ARHGAP11B: variants seen among roughly 807,000 people sequenced by gnomAD.
ARHGAP11B encodes inactive Rho GTPase-activating protein 11B.
In ARHGAP11B, 14 loss-of-function variants were observed where a neutral mutation model predicts 27.6. The ratio of observed to expected loss-of-function variants is 0.51; its 90% CI spans 0.34 to 0.79. The LOEUF (loss-of-function observed/expected upper bound fraction) is 0.79, where lower values mean the gene tolerates loss of function less well. Ranked by LOEUF, ARHGAP11B falls within the 30% of genes least tolerant of loss-of-function variation. The probability of loss-of-function intolerance (pLI) is 0.02; values close to 1 mark genes in which losing one functional copy is unlikely to be tolerated. For missense variants in ARHGAP11B, 245 were observed against 320.1 expected, an observed-to-expected ratio of 0.77 and a Z score of 1.79; for synonymous variants, 82 against 114.1, an observed-to-expected ratio of 0.72 and a Z score of 1.80.
At chr15:30,635,937 G>A (rs1479932700) in intron 6 of ARHGAP11B, among the ~76,000 whole-genome samples, 2 of 145,200 alleles carry the variant, frequency 1.4e-5, no homozygotes, top group African/African-American at 5.2e-5. Flanking sequence ...AGTGGGATTG[G>A]GTGGAGGATC....
intron 9 of ARHGAP11B, among the ~76,000 whole-genome samples, chr15:30,647,301 G>A (rs964606095): frequency 4.6e-5 from 7 of 151,696 alleles, no homozygotes; most frequent in African/African-American, 1.7e-4. Context: ...AAGGAATTAC[G>A]GTGGTTCAGA....
At chr15:30,636,748 C>T (rs1367238006) in intron 6 of ARHGAP11B, among the ~76,000 whole-genome samples, 1 of 152,092 alleles carries the variant, frequency 6.6e-6, no homozygotes, top group South Asian at 2.1e-4. Flanking sequence ...TTTCTTGCCT[C>T]TTCCTGGCTC....
chr15:30,636,913 G>A lies in ARHGAP11B; in HGVS notation c.*3+1280G>A, dbSNP rs555208229. 1.5e-3 allele frequency among the ~76,000 whole-genome samples: 227 copies of A among 151,988 alleles called. 1 individual carries two copies. The highest frequency in any genetic ancestry group is 5.1e-3 in the African/African-American group (212 of 41,486). On this transcript the variant is annotated intron_variant, in intron 6 of 10. Coordinates refer to ENST00000428041, the Ensembl canonical transcript of ARHGAP11B. ...CACCCAAATGACCTCATTTTAACTC[G>A]AGTACATCTGTAAAGACACGAATTC...
At chr15:30,645,288 A>T (rs892961056) in intron 8 of ARHGAP11B, among the ~76,000 whole-genome samples, 2 of 151,906 alleles carry the variant, frequency 1.3e-5, no homozygotes, top group Non-Finnish European at 2.9e-5. Flanking sequence ...AAAATTATTC[A>T]TTGTGGCTAG....
chr15:30,639,971 AGT>A (rs71103435), intron 7 of ARHGAP11B, among the ~76,000 whole-genome samples: 24,433 of 143,250 alleles, frequency 0.17, 1,575 homozygotes, highest in Middle Eastern at 0.24. Flanking sequence ...TTCAATATAG[AGT>A]GTGTGTGTGT....
intron 7 of ARHGAP11B, among the ~76,000 whole-genome samples, chr15:30,643,283 T>C (rs1424173641): frequency 6.7e-6 from 1 of 149,900 alleles, no homozygotes; most frequent in Non-Finnish European, 1.5e-5. Flanking sequence ...CAGTTTTCTT[T>C]TTTTTTTTTT....
rs143787832 is a variant in ARHGAP11B, at chr15:30,635,159, G to A, written c.631G>A (p.Glu211Lys). Residue 211 changes from glutamate to lysine, a missense_variant, in exon 5 of 11, where the codon GAA (glutamate) becomes AAA (lysine). Physicochemically the swap from Glu to Lys is moderately conservative, Grantham distance 56 (BLOSUM62 1). This residue lies in a region of ARHGAP11B where 129 missense variants were observed against 159.9 expected (regional missense o/e 0.81). Transcript: ENST00000428041. ...TCTTCTTCAGACAAGTGAAGGACAT[G>A]AAAAGATGTCTTCTAACGCAGAAAA... 1,455 of 1,613,440 alleles carry A rather than the reference G, an allele frequency of 9.0e-4. 18 individuals carry two copies. Among genetic ancestry groups the A allele is most frequent in the Non-Finnish European group, 1.2e-3 (1,360 of 1,179,542 alleles).
chr15:30,639,471 A>T (rs2060302166), intron 7 of ARHGAP11B, among the ~76,000 whole-genome samples: 2 of 151,608 alleles, frequency 1.3e-5, no homozygotes, highest in African/African-American at 2.4e-5. Context: ...GTTAAACAAC[A>T]TCTACTTAAC....
chr15:30,629,608 C>G lies in ARHGAP11B; in HGVS notation c.130-1095C>G, dbSNP rs1021414263. On this transcript the variant is annotated intron_variant, in intron 1 of 10. Coordinates refer to ENST00000428041, the Ensembl canonical transcript of ARHGAP11B. ...AGGAGCCTACTCTCTTAAGCCCTTA[C>G]CATACTATACTGTCTTTTCAGCTTA... is the stretch of plus-strand genomic sequence containing the variant. 2.0e-4 allele frequency among the ~76,000 whole-genome samples: 31 copies of G among 152,022 alleles called. 1 individual carries two copies. Among genetic ancestry groups the G allele is most frequent in the African/African-American group, 7.0e-4 (29 of 41,412 alleles).
At chr15:30,631,015 T>A (rs1360197889) in intron 2 of ARHGAP11B, among the ~76,000 whole-genome samples, 1 of 151,794 alleles carries the variant, frequency 6.6e-6, no homozygotes, top group African/African-American at 2.4e-5. Flanking sequence ...GAGGCTGCAG[T>A]GAGCCTTCTA....
rs1015366710 is a variant in ARHGAP11B, at chr15:30,638,727, C to T, written c.*4-19C>T. ...ACAAGTAAATGTGAAGTTGTAATTGCTTATGTCTTGCATTTCAGATTTTGT... is the reference window on the plus strand; with the variant it reads ...ACAAGTAAATGTGAAGTTGTAATTGTTTATGTCTTGCATTTCAGATTTTGT... On this transcript the variant is annotated intron_variant, in intron 6 of 10. Coordinates refer to ENST00000428041, the Ensembl canonical transcript of ARHGAP11B. 3 of 1,418,786 alleles carry T rather than the reference C, an allele frequency of 2.1e-6. No individual in the cohort carries two copies. In the Admixed American group the frequency reaches 7.7e-5, roughly 36 times the overall value. The allele number at this position is 1,418,786 out of a possible 1,614,324, so 87.9% of individuals were successfully genotyped here. A position where few individuals can be genotyped will look rare whatever the true frequency, so the allele number is the denominator to read the frequency against.
intron 3 of ARHGAP11B, among the ~76,000 whole-genome samples, chr15:30,633,894 A>G (rs985673157): frequency 8.6e-5 from 13 of 151,914 alleles, no homozygotes; most frequent in African/African-American, 2.9e-4. Flanking sequence ...GTGTGGTGGC[A>G]CATGCTTGTA....
chr15:30,646,110 G>C, intron 8 of ARHGAP11B: 1 of 906,204 alleles, frequency 1.1e-6, no homozygotes, highest in Non-Finnish European at 1.4e-6. Flanking sequence ...TCTTTCCTTG[G>C]CAGTGGATAA....
intron 9 of ARHGAP11B, among the ~76,000 whole-genome samples, chr15:30,647,434 A>C (rs1436520932): frequency 6.6e-6 from 1 of 151,940 alleles, no homozygotes; most frequent in African/African-American, 2.4e-5. Context: ...AGGTAAGGGC[A>C]GTCATTTAGA....
intron 1 of ARHGAP11B, among the ~76,000 whole-genome samples, chr15:30,627,741 T>C (rs1017370293): frequency 5.9e-5 from 9 of 152,062 alleles, no homozygotes; most frequent in Admixed American, 3.3e-4. Flanking sequence ...TTTAAATTTA[T>C]GTGCCTAATT....
At chr15:30,640,008 G>C (rs972631781) in intron 7 of ARHGAP11B, among the ~76,000 whole-genome samples, 1 of 149,760 alleles carries the variant, frequency 6.7e-6, no homozygotes, top group Non-Finnish European at 1.5e-5. Context: ...GTGTGTGTGT[G>C]TGTGTTATGA....
At chr15:30,644,246 C>A (rs1387910209) in intron 7 of ARHGAP11B, among the ~76,000 whole-genome samples, 1 of 152,034 alleles carries the variant, frequency 6.6e-6, no homozygotes, top group Non-Finnish European at 1.5e-5. Context: ...AGAATGTCAG[C>A]TCTCTGAAAA....
exon 1 of ARHGAP11B, chr15:30,626,556 C>A: frequency 7.8e-6 from 4 of 513,556 alleles, no homozygotes; most frequent in Non-Finnish European, 1.4e-5. Flanking sequence ...ATTGGGTGAC[C>A]AGAAAGAAGG....
intron 1 of ARHGAP11B, among the ~76,000 whole-genome samples, chr15:30,628,716 G>A (rs28733411): frequency 0.55 from 83,818 of 151,800 alleles, 24,740 homozygotes; most frequent in African/African-American, 0.71. Flanking sequence ...ATGAAGAAAT[G>A]TAGAAGATCA....
Sources: gnomAD v4.1 joint callset for allele counts (sites outside exome capture counted in the v4.1 genomes callset) on GRCh38, gnomAD v4.1.1 for gene constraint, gnomAD v4.1.1 regional missense constraint, MANE v1.5 for transcripts, NCBI Gene and HGNC (gene_info 2026-07-23, HGNC 2026-07-21) for gene names.